ZNF287: variants seen among roughly 807,000 people sequenced by gnomAD.
ZNF287 encodes the protein zinc finger protein with KRAB and SCAN domains 13.
In ZNF287, 31 loss-of-function variants were observed where a neutral mutation model predicts 73.7. The observed-to-expected ratio is 0.42, with a 90% CI of 0.32 to 0.57. ZNF287 has a LOEUF of 0.57. Ranked by LOEUF, ZNF287 falls within the 20% of genes least tolerant of loss-of-function variation. The pLI is 0.13. For missense variants in ZNF287, 641 were observed against 909.3 expected (o/e 0.70, Z 3.79); for synonymous variants, 301 against 307.2 (o/e 0.98, Z 0.21).
intron 5 of ZNF287, 55 bp from the exon 6 acceptor site, chr17:16,553,481 C>T (rs911424068): frequency 9.9e-6 from 13 of 1,307,198 alleles, no homozygotes; most frequent in African/African-American, 1.5e-5. Flanking sequence ...AGGAAACTGC[C>T]AAAATAGAAA....
In ZNF287 at chr17:16,549,869, A is replaced by C. The variant is rs1241850373; in HGVS notation, c.*1987T>G. Among the ~76,000 whole-genome samples the C allele has an allele frequency of 1.2e-4, 18 of 152,338 alleles. No individual in the cohort carries two copies. The East Asian group carries it at 3.5e-3, about 29-fold the overall frequency. ...TTCCCAAGTAAATGTTATTTGTTGA[A>C]CATTTCTTTGATATATGCACAAAAA... On this transcript the variant is annotated 3_prime_UTR_variant, in exon 6 of 6. Transcript: ENST00000395825.
rs1344387064 is a variant in ZNF287, at chr17:16,569,173, C to G, written c.-420G>C. 6.6e-6 allele frequency: 1 copy of G among 152,472 alleles called. No homozygotes were observed. The highest frequency in any genetic ancestry group is 1.9e-4 in the East Asian group (1 of 5,200). The allele number at this position is 152,472 out of a possible 1,614,324, so 9.4% of individuals were successfully genotyped here. A position where few individuals can be genotyped will look rare whatever the true frequency, so the allele number is the denominator to read the frequency against. On this transcript the variant is annotated 5_prime_UTR_variant, in exon 1 of 6. Transcript: ENST00000395825. ...GCCCGGCCCAGAAACCCCGGCGCCT[C>G]TGCTTAGCCGCGACCTCGCCTCGGC... is the stretch of plus-strand genomic sequence containing the variant.
intron 5 of ZNF287, 82 bp downstream of exon 5, chr17:16,563,064 T>C: frequency 8.9e-7 from 1 of 1,127,626 alleles, no homozygotes; most frequent in Admixed American, 2.0e-5. Flanking sequence ...AGTGACCTGG[T>C]CATATTTAAA....
At chr17:16,561,300 G>A (rs1277332334) in intron 5 of ZNF287, among the ~76,000 whole-genome samples, 1 of 152,062 alleles carries the variant, frequency 6.6e-6, no homozygotes, top group African/African-American at 2.4e-5. Flanking sequence ...GGCGACAAGA[G>A]TGAAACTCCA....
chr17:16,564,644 A>G (rs1008627280), intron 3 of ZNF287, among the ~76,000 whole-genome samples: 1 of 152,258 alleles, frequency 6.6e-6, no homozygotes, highest in Non-Finnish European at 1.5e-5. Flanking sequence ...CTTTCTTTTT[A>G]AAAATATAAC....
rs779227803 is a variant in ZNF287, at chr17:16,551,827, T to TA, written c.*28dup. The TA allele has an allele frequency of 1.3e-6, 2 of 1,540,468 alleles. No homozygotes were observed. The highest frequency in any genetic ancestry group is 2.8e-5 in the African/African-American group (2 of 72,284). On this transcript the variant is annotated 3_prime_UTR_variant, in exon 6 of 6. Coordinates refer to ENST00000395825, the MANE Select transcript of ZNF287 (RefSeq NM_020653.4). The stretch of plus-strand genomic sequence containing the variant: ...ACAAAACAAAATTGAAACAAAGTTG[T>TA]AAAACCGAATTGAAGTTTCCCTTAT...
At position 16,551,874 on chromosome 17, in the gene ZNF287, AC is replaced by A. The variant is rs1163428040; in HGVS notation, c.2267del (p.Gly756ValfsTer9). ...TTATCCATTAATTACGATGTTTGGC[AC>A]CTGTATGAACACGTTGATGCTGAAT... ...NLIQHQRVHT[G>X]AKHRN is the part of the protein sequence containing the mutation. On this transcript the variant is annotated frameshift_variant, in exon 6 of 6. Transcript: ENST00000395825. LOFTEE classifies it high-confidence loss of function. 7 of 1,581,672 alleles carry A rather than the reference AC, an allele frequency of 4.4e-6. No homozygotes were observed. The Admixed American group carries it at 7.4e-5, about 17-fold the overall frequency.
At chr17:16,563,668 T>G (rs1481220447) in intron 4 of ZNF287, 31 bp downstream of exon 4, 2 of 1,605,176 alleles carry the variant, frequency 1.2e-6, no homozygotes, top group Non-Finnish European at 8.5e-7. Context: ...GGGAACAGGC[T>G]CGGAGGAGGA....
At chr17:16,566,466 G>C in intron 3 of ZNF287, 59 bp downstream of exon 3, 1 of 1,458,602 alleles carries the variant, frequency 6.9e-7, no homozygotes, top group Non-Finnish European at 9.5e-7. Flanking sequence ...GGCCAGGTCA[G>C]AAAATGTCCT....
At position 16,553,397 on chromosome 17, in the gene ZNF287, G is replaced by A. The variant is rs778859455; in HGVS notation, c.745C>T (p.Pro249Ser). ...GTGAGTTTAGACATATCCTCCACTGGAGTACATGCTTGGGCTTTAGTTTCC... is the reference window on the plus strand; with the variant it reads ...GTGAGTTTAGACATATCCTCCACTGAAGTACATGCTTGGGCTTTAGTTTCC... ...EWETKAQACT[P>S]VEDMSKLTKE... The change falls in exon 6 of 6, where the codon CCA (proline) becomes TCA (serine). Residue 249 changes from proline to serine, a missense_variant. By Grantham distance (74) the Pro-to-Ser change is moderately conservative (BLOSUM62 -1). Coordinates refer to ENST00000395825, the MANE Select transcript of ZNF287 (RefSeq NM_020653.4). 1 of 1,573,144 alleles carries A rather than the reference G, an allele frequency of 6.4e-7. No individual in the cohort carries two copies.
chr17:16,552,587 G>T lies in ZNF287; in HGVS notation c.1555C>A (p.Gln519Lys). The T allele has an allele frequency of 6.2e-7, 1 of 1,613,992 alleles. No individual in the cohort carries two copies. The highest frequency in any genetic ancestry group is 1.7e-5 in the Admixed American group (1 of 60,018). ...TGATGCTGAAGAAGGTGTGTACTCT[G>T]ACTGAAAGTCTTCCCACATTCATTG... ...ICNECGKTFS[Q>K]STHLLQHQKI... Residue 519 changes from glutamine (Q) to lysine (K), a missense_variant, in exon 6 of 6, where the codon CAG becomes AAG. By Grantham distance (53) the Gln-to-Lys change is moderately conservative. Coordinates refer to ENST00000395825, the MANE Select transcript of ZNF287 (RefSeq NM_020653.4). The surrounding 1 kb of genome is among the most constrained non-coding windows in gnomAD (Gnocchi z 6.5).
At position 16,563,157 on chromosome 17, in the gene ZNF287, C is replaced by A; in HGVS notation, c.704G>T (p.Gly235Val). 6.2e-7 allele frequency: 1 copy of A among 1,612,758 alleles called. No homozygotes were observed. The highest frequency in any genetic ancestry group is 1.3e-5 in the African/African-American group (1 of 74,992). ...TTTTTGTTTCTCACCTGGACTAGGGCCTTCTAAAATTTCTTTTATCACCAT... is the reference window on the plus strand; with the variant it reads ...TTTTTGTTTCTCACCTGGACTAGGGACTTCTAAAATTTCTTTTATCACCAT... ...PWMVIKEILEGPSPEWETKAQ... is the reference protein window; with the variant it reads ...PWMVIKEILEVPSPEWETKAQ... The change falls in exon 5 of 6, where the codon GGC becomes GTC. Residue 235 changes from glycine (G) to valine (V), a missense_variant. Physicochemically the swap from Gly to Val is moderately radical, Grantham distance 109. Around this residue, in one of 2 missense-constraint regions of ZNF287, gnomAD observed 357 missense variants for 442.4 expected, o/e 0.81. Coordinates refer to ENST00000395825, the MANE Select transcript of ZNF287 (RefSeq NM_020653.4).
In ZNF287 at chr17:16,547,002, C is replaced by T. The variant is rs1049118684; in HGVS notation, c.*4854G>A. 2.0e-5 allele frequency among the ~76,000 whole-genome samples: 3 copies of T among 152,106 alleles called. No homozygotes were observed. The highest frequency in any genetic ancestry group is 2.0e-4 in the Admixed American group (3 of 15,270). On this transcript the variant is annotated 3_prime_UTR_variant, in exon 6 of 6. Transcript: ENST00000395825. ...TTAATGGTTATAGTGTTCTAAGGGGCTAATAATTATGAAAGATAGAGCCAT... is the reference window on the plus strand; with the variant it reads ...TTAATGGTTATAGTGTTCTAAGGGGTTAATAATTATGAAAGATAGAGCCAT...
intron 5 of ZNF287, 104 bp from the exon 6 acceptor site, chr17:16,553,530 G>T: frequency 2.1e-6 from 2 of 934,188 alleles, no homozygotes; most frequent in Non-Finnish European, 2.9e-6. Context: ...AAAGACAACA[G>T]CTCTGAAAAC....
rs1428457201 is a variant in ZNF287, at chr17:16,552,414, G to A, written c.1728C>T (p.Ser576=). 4 of 1,613,842 alleles carry A rather than the reference G, an allele frequency of 2.5e-6. No homozygotes were observed. Among genetic ancestry groups the A allele is most frequent in the Non-Finnish European group, 3.4e-6 (4 of 1,179,958 alleles). ...CNECGKAFAH[S]STLIQHQTTH... The stretch of plus-strand genomic sequence containing the variant: ...TGGTTTGATGTTGAATAAGGGTTGA[G>A]GAATGAGCAAAGGCTTTTCCACATT... Residue 576 remains serine, a synonymous_variant, in exon 6 of 6, where the codon TCC becomes TCT. Transcript: ENST00000395825. This position sits in a 1 kb window ranked among gnomAD's most constrained non-coding sequence, Gnocchi z 6.5.
At chr17:16,564,213 T>C (rs1907616120) in intron 3 of ZNF287, among the ~76,000 whole-genome samples, 1 of 152,198 alleles carries the variant, frequency 6.6e-6, no homozygotes, top group African/African-American at 2.4e-5. Flanking sequence ...ATCATTATTT[T>C]TAAAAGAGAC....
intron 4 of ZNF287, 122 bp downstream of exon 4, chr17:16,563,577 T>C: frequency 8.5e-7 from 1 of 1,172,524 alleles, no homozygotes; most frequent in Non-Finnish European, 1.2e-6. Flanking sequence ...ACAGTCACTT[T>C]CGTGCTTGAA....
Position 16,551,837 on chromosome 17 carries a change from T to C in ZNF287, c.*19A>G, listed in dbSNP as rs776417848. 9.7e-6 allele frequency: 15 copies of C among 1,548,992 alleles called. No individual in the cohort carries two copies. Among genetic ancestry groups the C allele is most frequent in the Non-Finnish European group, 1.3e-5 (15 of 1,149,998 alleles). ...ATTGAAACAAAGTTGTAAAACCGAA[T>C]TGAAGTTTCCCTTATCCATTAATTA... On this transcript the variant is annotated 3_prime_UTR_variant, in exon 6 of 6. Coordinates refer to ENST00000395825, the MANE Select transcript of ZNF287 (RefSeq NM_020653.4).
rs1597474551 is a variant in ZNF287, at chr17:16,566,064, A to C, written c.501+461T>G. 2.0e-5 allele frequency among the ~76,000 whole-genome samples: 3 copies of C among 152,360 alleles called. No individual in the cohort carries two copies. In the South Asian group the frequency reaches 6.2e-4, roughly 32 times the overall value. On this transcript the variant is annotated intron_variant, in intron 3 of 5. Coordinates refer to ENST00000395825, the MANE Select transcript of ZNF287 (RefSeq NM_020653.4). ...TTTAACTACTTGTTAATGAGGAAAA[A>C]TAATAGTAACAATCATCTATTAATT... is the stretch of plus-strand genomic sequence containing the variant.
Sources: allele counts gnomAD v4.1 joint callset (sites outside exome capture counted in the v4.1 genomes callset), GRCh38; gene constraint gnomAD v4.1.1; regional missense constraint gnomAD v4.1.1; non-coding constraint Gnocchi (gnomAD v3.1); transcripts MANE v1.5; gene names NCBI Gene and HGNC (gene_info 2026-07-23, HGNC 2026-07-21).